The following CSMD1 variants were observed in gnomAD, a reference collection of about 807,000 sequenced individuals.
The protein encoded by CSMD1 is CUB and Sushi multiple domains 1, also known as CUB and sushi domain-containing protein 1.
Under a neutral mutation model 417.5 loss-of-function variants are expected in CSMD1, and 213 were observed. The ratio of observed to expected loss-of-function variants is 0.51; its 90% CI spans 0.46 to 0.57. CSMD1 has a LOEUF of 0.57. Among genes scored for constraint, CSMD1 ranks in the 20% least tolerant of loss-of-function variants. The probability of loss-of-function intolerance (pLI) is 0.00; values close to 1 mark genes in which losing one functional copy is unlikely to be tolerated. For missense variants in CSMD1, 6,923 were observed against 4,529.7 expected, an observed-to-expected ratio of 1.53 and a Z score of -15.17; for synonymous variants, 2,862 against 1,736.8, an observed-to-expected ratio of 1.65 and a Z score of -16.11.
chr8:3,584,865 G>C (rs1185733412), intron 9 of CSMD1, among the ~76,000 whole-genome samples: 1 of 152,158 alleles, frequency 6.6e-6, no homozygotes, highest in Non-Finnish European at 1.5e-5. Flanking sequence ...TGCATCACCA[G>C]CCCTAGTGGG....
chr8:3,673,791 G>A (rs751541870), intron 7 of CSMD1, among the ~76,000 whole-genome samples: 1 of 152,168 alleles, frequency 6.6e-6, no homozygotes, highest in Non-Finnish European at 1.5e-5. Flanking sequence ...AACCTACACT[G>A]TGGGCACTGG....
At chr8:4,160,836 C>G (rs1797115643) in intron 3 of CSMD1, among the ~76,000 whole-genome samples, 1 of 152,190 alleles carries the variant, frequency 6.6e-6, no homozygotes, top group Admixed American at 6.5e-5. Context: ...AGAAAAGGAA[C>G]TTGAAGTTTC....
At position 4,291,171 on chromosome 8, in the gene CSMD1, A is replaced by T. The variant is rs140532565; in HGVS notation, c.415+128782T>A. Among the ~76,000 whole-genome samples, 30 of 152,252 alleles carry T rather than the reference A, an allele frequency of 2.0e-4. No individual in the cohort carries two copies. The East Asian group carries it at 5.4e-3, about 27-fold the overall frequency. On this transcript the variant is annotated intron_variant, in intron 3 of 69. Transcript: ENST00000635120. ...TTTGGGGATTATCTATATTCTCTTT[A>T]GTGTTGCATAATTATACATTATTGG...
At chr8:4,860,200 G>A (rs560259819) in intron 1 of CSMD1, among the ~76,000 whole-genome samples, 1 of 135,094 alleles carries the variant, frequency 7.4e-6, no homozygotes, top group Non-Finnish European at 1.5e-5. Context: ...TCATAGGTGG[G>A]AACTGAACAA....
chr8:3,553,412 T>G (rs1799003587), intron 10 of CSMD1, among the ~76,000 whole-genome samples: 1 of 152,236 alleles, frequency 6.6e-6, no homozygotes, highest in African/African-American at 2.4e-5. Flanking sequence ...CCCAGCTGAT[T>G]CATGATCTCA....
intron 1 of CSMD1, among the ~76,000 whole-genome samples, chr8:4,893,862 T>C (rs183981629): frequency 2.0e-5 from 3 of 152,090 alleles, no homozygotes; most frequent in African/African-American, 7.3e-5. Context: ...CTTACCCCTT[T>C]TTTCCCCAAA....
intron 3 of CSMD1, among the ~76,000 whole-genome samples, chr8:4,146,707 G>A (rs980102029): frequency 5.2e-5 from 7 of 133,598 alleles, no homozygotes; most frequent in Admixed American, 3.5e-4. Flanking sequence ...CACCTCCCGA[G>A]TTCACGCCAT....
chr8:4,383,774 A>G (rs1803260701), intron 3 of CSMD1, among the ~76,000 whole-genome samples: 1 of 152,108 alleles, frequency 6.6e-6, no homozygotes, highest in Admixed American at 6.5e-5. Flanking sequence ...CAGCATCACC[A>G]TTTTTTCAAG....
chr8:4,764,122 G>A (rs1812293792), intron 1 of CSMD1, among the ~76,000 whole-genome samples: 1 of 152,144 alleles, frequency 6.6e-6, no homozygotes, highest in Non-Finnish European at 1.5e-5. Flanking sequence ...TACTTTATAT[G>A]AGATTTCGCA....
At chr8:3,745,793 A>C (rs1005631988) in intron 6 of CSMD1, among the ~76,000 whole-genome samples, 1 of 152,232 alleles carries the variant, frequency 6.6e-6, no homozygotes, top group Non-Finnish European at 1.5e-5. Flanking sequence ...GAGAACAAGC[A>C]ATGTAACCTG....
intron 60 of CSMD1, among the ~76,000 whole-genome samples, chr8:2,962,870 G>A (rs1189697315): frequency 2.6e-5 from 4 of 152,184 alleles, no homozygotes; most frequent in Non-Finnish European, 4.4e-5. Context: ...GCAACATGGC[G>A]AAACCTATGT....
intron 1 of CSMD1, among the ~76,000 whole-genome samples, chr8:4,952,280 G>A (rs1040892064): frequency 1.3e-4 from 20 of 151,850 alleles, no homozygotes; most frequent in South Asian, 2.1e-4. Context: ...ATAATAAAAC[G>A]CAACAAATAT....
intron 26 of CSMD1, among the ~76,000 whole-genome samples, chr8:3,270,651 T>G (rs769842578): frequency 2.0e-5 from 3 of 152,188 alleles, no homozygotes; most frequent in Admixed American, 6.5e-5. Context: ...TCAAAGCAAG[T>G]CTACAGTATC....
chr8:3,083,395 T>G (rs1029279130), intron 49 of CSMD1, among the ~76,000 whole-genome samples: 2 of 151,182 alleles, frequency 1.3e-5, no homozygotes, highest in Non-Finnish European at 2.9e-5. Flanking sequence ...ATAATCAGAG[T>G]GCTTTCTTCT....
intron 21 of CSMD1, among the ~76,000 whole-genome samples, chr8:3,355,081 A>G (rs1426080469): frequency 6.6e-6 from 1 of 152,026 alleles, no homozygotes; most frequent in African/African-American, 2.4e-5. Flanking sequence ...AACTGAGGAT[A>G]AGGGTGTTGA....
intron 54 of CSMD1, among the ~76,000 whole-genome samples, chr8:2,983,609 T>C (rs185563891): frequency 1.8e-3 from 269 of 152,364 alleles, no homozygotes; most frequent in African/African-American, 6.2e-3. Context: ...GACTTTCACT[T>C]GTATATCCAA....
At chr8:4,607,345 C>G (rs564160150) in intron 2 of CSMD1, among the ~76,000 whole-genome samples, 2 of 151,952 alleles carry the variant, frequency 1.3e-5, no homozygotes, top group East Asian at 1.9e-4. Context: ...GTGCGGGGGA[C>G]GGGCTATTGA....
At chr8:4,301,651 A>C (rs1797987494) in intron 3 of CSMD1, among the ~76,000 whole-genome samples, 2 of 152,198 alleles carry the variant, frequency 1.3e-5, no homozygotes, top group Admixed American at 1.3e-4. Context: ...TCTGCTGTTA[A>C]CTTTCAGGCC....
chr8:4,382,109 A>G (rs1803143473), intron 3 of CSMD1, among the ~76,000 whole-genome samples: 6 of 152,212 alleles, frequency 3.9e-5, no homozygotes, highest in Admixed American at 3.9e-4. Flanking sequence ...TGTAATTAAT[A>G]TAGAATGCAC....
Sources: allele counts gnomAD v4.1 joint callset (sites outside exome capture counted in the v4.1 genomes callset), GRCh38; gene constraint gnomAD v4.1.1; transcripts MANE v1.5; gene names NCBI Gene and HGNC (gene_info 2026-07-23, HGNC 2026-07-21).